Variants in DOK6 observed in about 807,000 individuals in gnomAD.
DOK6 encodes the protein docking protein 6, also known as downstream of tyrosine kinase 6.
A neutral mutation model predicts 44.0 loss-of-function variants in DOK6; 22 were observed. That is an observed-to-expected ratio of 0.50 (90% CI 0.36 to 0.71). The LOEUF (loss-of-function observed/expected upper bound fraction) is 0.71, where lower values mean the gene tolerates loss of function less well. Ranked by LOEUF, DOK6 falls within the 30% of genes least tolerant of loss-of-function variation. The pLI is 0.00. For synonymous variants in DOK6, 166 were observed against 145.5 expected (o/e 1.14, Z -1.01); for missense variants, 340 against 416.4 (o/e 0.82, Z 1.60).
chr18:69,405,319 G>A, intron 1 of DOK6, among the ~76,000 whole-genome samples: 1 of 152,148 alleles, frequency 6.6e-6, no homozygotes, highest in East Asian at 1.9e-4. Context: ...GAAGCTCAAT[G>A]ATTAAAATAA....
chr18:69,779,687 C>T, intron 7 of DOK6, among the ~76,000 whole-genome samples: 1 of 107,844 alleles, frequency 9.3e-6, no homozygotes. Flanking sequence ...GTCTCTCTGC[C>T]CCGTGTGTGT....
At chr18:69,822,572 C>G (rs547541531) in intron 7 of DOK6, among the ~76,000 whole-genome samples, 191 of 152,270 alleles carry the variant, frequency 1.3e-3, no homozygotes, top group Non-Finnish European at 2.2e-3. Context: ...GACATTTCCC[C>G]CAGAAAGAGA....
At position 69,841,151 on chromosome 18, in the gene DOK6, A is replaced by G. The variant is rs934860554; in HGVS notation, c.857-93A>G. 4.7e-6 allele frequency: 7 copies of G among 1,479,518 alleles called. No homozygotes were observed. In the East Asian group the frequency reaches 9.2e-5, roughly 19 times the overall value. The allele number at this position is 1,479,518 out of a possible 1,614,324, so 91.6% of individuals were successfully genotyped here. On this transcript the variant is annotated intron_variant, in intron 7 of 7. Transcript: ENST00000382713. ...TGCCTTGTTTATTGTTCTTAAAAATATAGATAGATAGATAATAGATAGATG... is the reference window on the plus strand; with the variant it reads ...TGCCTTGTTTATTGTTCTTAAAAATGTAGATAGATAGATAATAGATAGATG...
At chr18:69,742,209 G>A (rs186125308) in intron 6 of DOK6, among the ~76,000 whole-genome samples, 20 of 152,190 alleles carry the variant, frequency 1.3e-4, no homozygotes, top group East Asian at 7.7e-4. Flanking sequence ...GAGGTCAGGA[G>A]TTTGAGACCA....
intron 2 of DOK6, among the ~76,000 whole-genome samples, chr18:69,597,779 T>A (rs9964208): frequency 6.8e-6 from 1 of 147,440 alleles, no homozygotes; most frequent in African/African-American, 2.6e-5. Context: ...GAAGCGTGCA[T>A]ATCTGGAGAC....
rs562544810 is a variant in DOK6 at position 69,486,781 on chromosome 18, C to T, written c.67-77706C>T. ...TTGGTAAATCTTAAACCTACCACAG[C>T]ATACTTTTCTTTTTAACTAACAATG... On this transcript the variant is annotated intron_variant, in intron 1 of 7. Coordinates refer to ENST00000382713, the MANE Select transcript of DOK6 (RefSeq NM_152721.6). 2.6e-5 allele frequency among the ~76,000 whole-genome samples: 4 copies of T among 152,254 alleles called. No homozygotes were observed. In the East Asian group the frequency reaches 5.8e-4, roughly 22 times the overall value.
At chr18:69,611,584 A>T (rs935335073) in intron 3 of DOK6, among the ~76,000 whole-genome samples, 2 of 152,226 alleles carry the variant, frequency 1.3e-5, no homozygotes, top group Non-Finnish European at 2.9e-5. Context: ...AAGAACTCAG[A>T]TGTCCTTCAA....
intron 7 of DOK6, among the ~76,000 whole-genome samples, chr18:69,791,887 C>A (rs1001764015): frequency 6.6e-6 from 1 of 152,054 alleles, no homozygotes; most frequent in Admixed American, 6.6e-5. Flanking sequence ...AGTTTCAGGT[C>A]TTAGATTTAA....
At chr18:69,499,174 C>G (rs1173980006) in intron 1 of DOK6, among the ~76,000 whole-genome samples, 2 of 151,868 alleles carry the variant, frequency 1.3e-5, no homozygotes, top group African/African-American at 4.8e-5. Context: ...AAATAAATTT[C>G]TCTCCATAAT....
chr18:69,473,546 T>C (rs992848885), intron 1 of DOK6, among the ~76,000 whole-genome samples: 4 of 152,176 alleles, frequency 2.6e-5, no homozygotes, highest in African/African-American at 9.7e-5. Flanking sequence ...ACATATCAGC[T>C]GTATTTTCTG....
At chr18:69,580,400 C>T (rs991650679) in intron 2 of DOK6, among the ~76,000 whole-genome samples, 30 of 152,302 alleles carry the variant, frequency 2.0e-4, no homozygotes, top group Admixed American at 9.8e-4. Flanking sequence ...AAATCCTTCT[C>T]GTGCTTTGGA....
intron 7 of DOK6, among the ~76,000 whole-genome samples, chr18:69,775,226 CA>C (rs1980025548): frequency 6.6e-6 from 1 of 151,810 alleles, no homozygotes; most frequent in Non-Finnish European, 1.5e-5. Context: ...CTGAGTTTAC[CA>C]AACAAAAATT....
At chr18:69,462,824 C>T (rs1979824075) in intron 1 of DOK6, among the ~76,000 whole-genome samples, 1 of 152,182 alleles carries the variant, frequency 6.6e-6, no homozygotes, top group South Asian at 2.1e-4. Flanking sequence ...ATTTTAAACT[C>T]TGTACCGAAG....
chr18:69,586,190 T>G (rs78344943), intron 2 of DOK6, among the ~76,000 whole-genome samples: 2,508 of 152,292 alleles, frequency 0.016, 59 homozygotes, highest in African/African-American at 0.057. Flanking sequence ...ACTAGCAGAA[T>G]GACTTGCTTA....
rs148776545 is a variant in DOK6, at chr18:69,534,811, T to C, written c.67-29676T>C. On this transcript the variant is annotated intron_variant, in intron 1 of 7. Transcript: ENST00000382713. ...ACCATAGGCAAAACTTCCTCATTCT[T>C]CTTTAGCATCTGCTATGATCATCTT... Among the ~76,000 whole-genome samples the C allele has an allele frequency of 1.8e-4, 27 of 152,286 alleles. No individual in the cohort carries two copies. In the East Asian group the frequency reaches 4.0e-3, roughly 23 times the overall value.
intron 2 of DOK6, among the ~76,000 whole-genome samples, chr18:69,567,324 A>T (rs1983008021): frequency 6.6e-6 from 1 of 152,224 alleles, no homozygotes; most frequent in Admixed American, 6.5e-5. Context: ...TATTTTTTAA[A>T]AAAATAGGAT....
At chr18:69,822,898 A>G (rs1413934537) in intron 7 of DOK6, among the ~76,000 whole-genome samples, 1 of 152,184 alleles carries the variant, frequency 6.6e-6, no homozygotes, top group Admixed American at 6.6e-5. Context: ...CCTTATTCTC[A>G]TACCTATAGC....
At chr18:69,837,915 G>T (rs1379026119) in intron 7 of DOK6, among the ~76,000 whole-genome samples, 1 of 152,148 alleles carries the variant, frequency 6.6e-6, no homozygotes, top group Non-Finnish European at 1.5e-5. Context: ...TGGCTGTATG[G>T]ACTCTTGATT....
intron 4 of DOK6, among the ~76,000 whole-genome samples, chr18:69,691,766 T>C (rs1986273469): frequency 6.6e-6 from 1 of 152,166 alleles, no homozygotes; most frequent in Admixed American, 6.5e-5. Flanking sequence ...GGACAACTCT[T>C]GCCTGTGAGA....
Sources: allele counts gnomAD v4.1 joint callset (sites outside exome capture counted in the v4.1 genomes callset), GRCh38; gene constraint gnomAD v4.1.1; transcripts MANE v1.5; gene names NCBI Gene and HGNC (gene_info 2026-07-23, HGNC 2026-07-21).